ARL5B: variants seen among roughly 807,000 people sequenced by gnomAD.
The protein encoded by ARL5B is ARF like GTPase 5B.
In ARL5B, 10 loss-of-function variants were observed where a neutral mutation model predicts 26.9. That is an observed-to-expected ratio of 0.37 (90% confidence interval 0.23 to 0.63). The LOEUF is 0.63. Ranked by LOEUF, ARL5B falls within the 30% of genes least tolerant of loss-of-function variation. The pLI is 0.62. For missense variants in ARL5B, 167 were observed against 213.9 expected, an observed-to-expected ratio of 0.78 and a Z score of 1.37; for synonymous variants, 87 against 70.4, an observed-to-expected ratio of 1.24 and a Z score of -1.18.
rs1046208087 is a variant in ARL5B at position 18,675,367 on chromosome 10, A to C, written c.*151A>C. 3.0e-6 allele frequency: 2 copies of C among 671,086 alleles called. No homozygotes were observed. Among genetic ancestry groups the C allele is most frequent in the African/African-American group, 3.6e-5 (2 of 55,362 alleles). 41.6% of individuals were successfully genotyped at this position (671,086 alleles called of 1,614,324 possible). A position where few individuals can be genotyped will look rare whatever the true frequency, so the allele number is the denominator to read the frequency against. ...GAATCAAGTGCAGCTGAACTGGAAC[A>C]TAAAAGATTTTTTCTTAACTTTTTT... On this transcript the variant is annotated 3_prime_UTR_variant, in exon 6 of 6. Transcript: ENST00000377275.
intron 1 of ARL5B, among the ~76,000 whole-genome samples, chr10:18,662,160 C>T (rs1226960369): frequency 6.6e-6 from 1 of 152,184 alleles, no homozygotes; most frequent in Non-Finnish European, 1.5e-5. Flanking sequence ...ATAACAGGCC[C>T]AAAGCGCCAC....
chr10:18,670,444 C>T lies in ARL5B; in HGVS notation c.255+1767C>T, dbSNP rs11015509. Among the ~76,000 whole-genome samples, 111 of 152,202 alleles carry T rather than the reference C, an allele frequency of 7.3e-4. 3 individuals carry two copies. The East Asian group carries it at 0.02, about 27-fold the overall frequency. ...TGGCCAACATGGCAAAACCCCATCT[C>T]TACTAAAAATACAAAAATTAGCCAG... On this transcript the variant is annotated intron_variant, in intron 3 of 5. Coordinates refer to ENST00000377275, the MANE Select transcript of ARL5B (RefSeq NM_178815.5).
In ARL5B at chr10:18,659,467, C is replaced by T. The variant is rs906818595; in HGVS notation, c.-171C>T. On this transcript the variant is annotated 5_prime_UTR_variant, in exon 1 of 6. Coordinates refer to ENST00000377275, the MANE Select transcript of ARL5B (RefSeq NM_178815.5). Reference sequence around the variant, plus strand: ...AACAAAGGGCTGTCCGGTGGGGATTCGTCGCGGCGCCTTCTGAGTGGTCGG... The same window carrying T: ...AACAAAGGGCTGTCCGGTGGGGATTTGTCGCGGCGCCTTCTGAGTGGTCGG... 4 of 803,868 alleles carry T rather than the reference C, an allele frequency of 5.0e-6. No homozygotes were observed. Among genetic ancestry groups the T allele is most frequent in the South Asian group, 2.0e-5 (1 of 51,012 alleles). The allele number at this position is 803,868 out of a possible 1,614,324, so 49.8% of individuals were successfully genotyped here.
At chr10:18,673,529 G>A (rs2059897397) in intron 4 of ARL5B, among the ~76,000 whole-genome samples, 1 of 152,078 alleles carries the variant, frequency 6.6e-6, no homozygotes, top group Admixed American at 6.6e-5. Flanking sequence ...CACAGTATGA[G>A]TATATCACAA....
chr10:18,663,629 A>T (rs2059847068), intron 1 of ARL5B, among the ~76,000 whole-genome samples: 1 of 144,018 alleles, frequency 6.9e-6, no homozygotes, highest in African/African-American at 2.6e-5. Context: ...GCTCACTGCA[A>T]GCTCTGCCTC....
chr10:18,660,900 T>G (rs1290010449), intron 1 of ARL5B, among the ~76,000 whole-genome samples: 1 of 152,204 alleles, frequency 6.6e-6, no homozygotes, highest in Non-Finnish European at 1.5e-5. Context: ...CAGGCTTCAG[T>G]GCAGTGGCGC....
chr10:18,659,489 T>C lies in ARL5B; in HGVS notation c.-149T>C. ...ATTCGTCGCGGCGCCTTCTGAGTGGTCGGGTCGAGGCTTCTCGGCCTAGCA... is the reference window on the plus strand; with the variant it reads ...ATTCGTCGCGGCGCCTTCTGAGTGGCCGGGTCGAGGCTTCTCGGCCTAGCA... On this transcript the variant is annotated 5_prime_UTR_variant, in exon 1 of 6. Transcript: ENST00000377275. 1 of 1,028,242 alleles carries C rather than the reference T, an allele frequency of 9.7e-7. No homozygotes were observed. Among genetic ancestry groups the C allele is most frequent in the Non-Finnish European group, 1.3e-6 (1 of 744,732 alleles). The allele number at this position is 1,028,242 out of a possible 1,614,324, so 63.7% of individuals were successfully genotyped here.
chr10:18,660,047 C>T (rs1296952616), intron 1 of ARL5B, among the ~76,000 whole-genome samples: 1 of 151,980 alleles, frequency 6.6e-6, no homozygotes, highest in East Asian at 1.9e-4. Flanking sequence ...AAGTGTCCGC[C>T]CAGAAACCTA....
chr10:18,665,670 T>C (rs777529006), intron 1 of ARL5B, among the ~76,000 whole-genome samples: 1 of 152,210 alleles, frequency 6.6e-6, no homozygotes, highest in Non-Finnish European at 1.5e-5. Context: ...AATCGTTGCC[T>C]ACAAATCAAC....
intron 1 of ARL5B, among the ~76,000 whole-genome samples, chr10:18,663,895 C>T (rs1317639162): frequency 6.6e-6 from 1 of 151,918 alleles, no homozygotes; most frequent in Non-Finnish European, 1.5e-5. Context: ...GTTTCAAACA[C>T]ACTAAACTTA....
Position 18,681,616 on chromosome 10 carries a change from T to C in ARL5B, c.*6400T>C, listed in dbSNP as rs557953160. ...TCATTCAACAGTTTTATTTTTGTCA[T>C]AATAAATAATTACTTTTCCAATACG... is the stretch of plus-strand genomic sequence containing the variant. On this transcript the variant is annotated 3_prime_UTR_variant, in exon 6 of 6. Transcript: ENST00000377275. 8.5e-5 allele frequency: 13 copies of C among 152,320 alleles called. No homozygotes were observed. The highest frequency in any genetic ancestry group is 2.6e-4 in the African/African-American group (11 of 41,564). The allele number at this position is 152,320 out of a possible 1,614,324, so 9.4% of individuals were successfully genotyped here.
Position 18,677,748 on chromosome 10 carries a change from T to C in ARL5B, c.*2532T>C, listed in dbSNP as rs1339860666. ...TTGAAATAAGTTCTTAGTTTTATAT[T>C]ATACCTGTTCTTTAGAAGTCATGTT... On this transcript the variant is annotated 3_prime_UTR_variant, in exon 6 of 6. Transcript: ENST00000377275. 6.6e-6 allele frequency: 1 copy of C among 152,300 alleles called. No homozygotes were observed. The highest frequency in any genetic ancestry group is 2.4e-5 in the African/African-American group (1 of 41,424). 9.4% of individuals were successfully genotyped at this position (152,300 alleles called of 1,614,324 possible).
rs767632894 is a variant in ARL5B at position 18,677,892 on chromosome 10, A to C, written c.*2676A>C. 2.4e-4 allele frequency: 36 copies of C among 152,074 alleles called. No individual in the cohort carries two copies. The highest frequency in any genetic ancestry group is 3.8e-4 in the Non-Finnish European group (26 of 67,780). 9.4% of individuals were successfully genotyped at this position (152,074 alleles called of 1,614,324 possible). ...CAAGGGACCCACCTACATTACCTTC[A>C]GGAGACTGTTCTACCTTTTAATTTG... is the stretch of plus-strand genomic sequence containing the variant. On this transcript the variant is annotated 3_prime_UTR_variant, in exon 6 of 6. Coordinates refer to ENST00000377275, the MANE Select transcript of ARL5B (RefSeq NM_178815.5).
At chr10:18,668,434 G>A in intron 2 of ARL5B, 96 bp from the exon 3 acceptor site, 1 of 1,323,682 alleles carries the variant, frequency 7.6e-7, no homozygotes, top group South Asian at 1.3e-5. Flanking sequence ...ACCATCATTG[G>A]TGCAGAAGGT....
rs576896446 is a variant in ARL5B, at chr10:18,675,150, C to A, written c.492-18C>A. Reference sequence around the variant, plus strand: ...AGTATAAGGTTTTTAATTAAAAATACTTCTATCTTTTGTTTAGGTTATGCC... The same window carrying A: ...AGTATAAGGTTTTTAATTAAAAATAATTCTATCTTTTGTTTAGGTTATGCC... On this transcript the variant is annotated intron_variant, in intron 5 of 5. Transcript: ENST00000377275. The A allele has an allele frequency of 1.3e-5, 21 of 1,609,444 alleles. No individual in the cohort carries two copies. Among genetic ancestry groups the A allele is most frequent in the Non-Finnish European group, 1.8e-5 (21 of 1,176,776 alleles).
chr10:18,666,531 A>T, intron 1 of ARL5B, 44 bp from the exon 2 acceptor site: 2 of 1,455,616 alleles, frequency 1.4e-6, no homozygotes, highest in Non-Finnish European at 1.9e-6. Flanking sequence ...TAATTGCAGT[A>T]ATGCAGTAGT....
In ARL5B at chr10:18,679,293, T is replaced by C. The variant is rs1347478720; in HGVS notation, c.*4077T>C. The C allele has an allele frequency of 6.6e-6, 1 of 151,952 alleles. No individual in the cohort carries two copies. Among genetic ancestry groups the C allele is most frequent in the East Asian group, 1.9e-4 (1 of 5,202 alleles). 9.4% of individuals were successfully genotyped at this position (151,952 alleles called of 1,614,324 possible). A position where few individuals can be genotyped will look rare whatever the true frequency, so the allele number is the denominator to read the frequency against. ...TAATTTACCTTATTTTCTTGGCTTG[T>C]ACTAATTGAATGGAAGTGGTTAATT... On this transcript the variant is annotated 3_prime_UTR_variant, in exon 6 of 6. Transcript: ENST00000377275.
In ARL5B at chr10:18,677,999, A is replaced by G. The variant is rs961333773; in HGVS notation, c.*2783A>G. On this transcript the variant is annotated 3_prime_UTR_variant, in exon 6 of 6. Coordinates refer to ENST00000377275, the MANE Select transcript of ARL5B (RefSeq NM_178815.5). ...TTCAATTATCCTTGCAAGTTCAAATACAGCATTTTTCTTAATTTTGAGCGT... is the reference window on the plus strand; with the variant it reads ...TTCAATTATCCTTGCAAGTTCAAATGCAGCATTTTTCTTAATTTTGAGCGT... The G allele has an allele frequency of 1.3e-5, 2 of 151,830 alleles. No individual in the cohort carries two copies. The highest frequency in any genetic ancestry group is 4.8e-5 in the African/African-American group (2 of 41,410). 9.4% of individuals were successfully genotyped at this position (151,830 alleles called of 1,614,324 possible).
rs967865749 is a variant in ARL5B at position 18,679,431 on chromosome 10, A to G, written c.*4215A>G. Reference sequence around the variant, plus strand: ...TTGTCAGTCTTTTACAAATGTCTACATAAATGTCTACATAAATCTGAAAGT... The same window carrying G: ...TTGTCAGTCTTTTACAAATGTCTACGTAAATGTCTACATAAATCTGAAAGT... On this transcript the variant is annotated 3_prime_UTR_variant, in exon 6 of 6. Coordinates refer to ENST00000377275, the MANE Select transcript of ARL5B (RefSeq NM_178815.5). 6 of 151,930 alleles carry G rather than the reference A, an allele frequency of 3.9e-5. No homozygotes were observed. The highest frequency in any genetic ancestry group is 8.8e-5 in the Non-Finnish European group (6 of 67,816). The allele number at this position is 151,930 out of a possible 1,614,324, so 9.4% of individuals were successfully genotyped here.
Sources: allele counts gnomAD v4.1 joint callset (sites outside exome capture counted in the v4.1 genomes callset), GRCh38; gene constraint gnomAD v4.1.1; transcripts MANE v1.5; gene names NCBI Gene and HGNC (gene_info 2026-07-23, HGNC 2026-07-21).